IBTK: variants seen among roughly 807,000 people sequenced by gnomAD.
IBTK encodes the protein BTK-binding protein.
A neutral mutation model predicts 154.9 loss-of-function variants in IBTK; 83 were observed. That is an observed-to-expected ratio of 0.54 (90% confidence interval 0.45 to 0.64). The LOEUF is 0.64. Among genes scored for constraint, IBTK ranks in the 30% least tolerant of loss-of-function variants. The probability of loss-of-function intolerance (pLI) is 0.00; values close to 1 mark genes in which losing one functional copy is unlikely to be tolerated. For missense variants in IBTK, 1,332 were observed against 1,584.6 expected (o/e 0.84, Z 2.71); for synonymous variants, 515 against 536.1 (o/e 0.96, Z 0.54).
chr6:82,217,931 T>C (rs1769930892), intron 10 of IBTK, 29 bp downstream of exon 10: 1 of 1,431,020 alleles, frequency 7.0e-7, no homozygotes, highest in Non-Finnish European at 9.4e-7. Flanking sequence ...GAAAGGTACT[T>C]TTACGTATTG....
rs1373974481 is a variant in IBTK at position 82,240,254 on chromosome 6, A to G, written c.233T>C (p.Leu78Pro). ...TCCAGACTCTTTGTCTTTCACCAAC[A>G]GATCCACTCCTTTCTGAATAAGCCA... ...LDWLIQKGVDLLVKDKESGWT... is the reference protein window; with the variant it reads ...LDWLIQKGVDPLVKDKESGWT... The change falls in exon 2 of 29, where the codon CTG becomes CCG. Residue 78 changes from leucine to proline, a missense_variant. Transcript: ENST00000306270. 2 of 1,614,244 alleles carry G rather than the reference A, an allele frequency of 1.2e-6. No homozygotes were observed. The highest frequency in any genetic ancestry group is 1.7e-6 in the Non-Finnish European group (2 of 1,180,038).
intron 28 of IBTK, 31 bp from the exon 29 acceptor site, chr6:82,171,587 A>G: frequency 6.5e-7 from 1 of 1,547,534 alleles, no homozygotes; most frequent in Non-Finnish European, 8.8e-7. Flanking sequence ...AAGACTCTTT[A>G]CTCTTTTAAT....
At chr6:82,191,342 T>A in intron 24 of IBTK, 126 bp from the exon 25 acceptor site, 1 of 727,178 alleles carries the variant, frequency 1.4e-6, no homozygotes, top group South Asian at 1.8e-5. Flanking sequence ...CTGGTAATAA[T>A]AATGTTTTCT....
chr6:82,190,459 G>A (rs147970730), intron 25 of IBTK, among the ~76,000 whole-genome samples: 107 of 152,264 alleles, frequency 7.0e-4, no homozygotes, highest in African/African-American at 2.4e-3. Context: ...AGGATGGAAC[G>A]GAAGCTGGAG....
chr6:82,199,168 A>G (rs1769105273), intron 21 of IBTK, among the ~76,000 whole-genome samples: 1 of 152,132 alleles, frequency 6.6e-6, no homozygotes, highest in African/African-American at 2.4e-5. Flanking sequence ...ATATTCAAGT[A>G]TTCGGGGGAA....
At chr6:82,234,126 G>A (rs763840709) in intron 3 of IBTK, 33 bp downstream of exon 3, 13 of 1,107,196 alleles carry the variant, frequency 1.2e-5, no homozygotes, top group South Asian at 4.0e-5. Context: ...GGTGTGAGCC[G>A]CAGCGCCCAG....
chr6:82,238,072 C>T (rs576945751), intron 2 of IBTK, among the ~76,000 whole-genome samples: 3 of 151,930 alleles, frequency 2.0e-5, no homozygotes, highest in South Asian at 2.1e-4. Context: ...GGGGAAACCC[C>T]GTCTCTACTA....
chr6:82,215,930 C>G, intron 11 of IBTK, 146 bp downstream of exon 11: 1 of 573,046 alleles, frequency 1.7e-6, no homozygotes, highest in South Asian at 2.4e-5. Flanking sequence ...TATCTGTAGA[C>G]ATAATCTGTA....
rs1220428075 is a variant in IBTK at position 82,200,676 on chromosome 6, T to C, written c.2823A>G (p.Pro941=). The C allele has an allele frequency of 1.3e-6, 2 of 1,596,930 alleles. No individual in the cohort carries two copies. The highest frequency in any genetic ancestry group is 1.1e-5 in the South Asian group (1 of 87,508). The change falls in exon 20 of 29, where the codon CCA becomes CCG. Residue 941 remains proline, a synonymous_variant. Coordinates refer to ENST00000306270, the MANE Select transcript of IBTK (RefSeq NM_015525.4). ...IPAMDRRVIT[P]YQDGPDISYL... ...AGCTAATATCTGGTCCATCTTGATA[T>C]GGTGTAATGACTCTTCTATCCATTG...
At chr6:82,199,187 T>C (rs1435125719) in intron 21 of IBTK, among the ~76,000 whole-genome samples, 1 of 152,152 alleles carries the variant, frequency 6.6e-6, no homozygotes, top group African/African-American at 2.4e-5. Context: ...AAAAGTATCA[T>C]GTCTACAACT....
chr6:82,204,747 T>C (rs1428557951), intron 17 of IBTK, 110 bp downstream of exon 17: 1 of 520,698 alleles, frequency 1.9e-6, no homozygotes, highest in Non-Finnish European at 3.2e-6. Context: ...GTTTTCGTGG[T>C]ACCAAAAAAA....
At position 82,172,449 on chromosome 6, in the gene IBTK, A is replaced by G. The variant is rs144587676; in HGVS notation, c.3861T>C (p.Ile1287=). 1,145 of 1,613,942 alleles carry G rather than the reference A, an allele frequency of 7.1e-4. 1 individual carries two copies. The highest frequency in any genetic ancestry group is 9.1e-4 in the Non-Finnish European group (1,073 of 1,179,888). Residue 1287 remains isoleucine (I), a synonymous_variant, in exon 28 of 29, where the codon ATT becomes ATC. Transcript: ENST00000306270. The part of the protein sequence containing the change: ...SMVAPVTFAS[I]VEEELQQEAA... ...CTTCTTGTTGTAGTTCTTCTTCTAC[A>G]ATAGATGCAAAAGTGACTGGGGCTA...
At chr6:82,192,847 C>T (rs1768822442) in intron 23 of IBTK, among the ~76,000 whole-genome samples, 1 of 151,926 alleles carries the variant, frequency 6.6e-6, no homozygotes, top group Admixed American at 6.6e-5. Flanking sequence ...CACCTGAAAT[C>T]CCAGCACTTT....
rs533594107 is a variant in IBTK, at chr6:82,237,577, T to C, written c.321+2589A>G. Among the ~76,000 whole-genome samples the C allele has an allele frequency of 6.9e-3, 1,031 of 148,520 alleles. 9 individuals are homozygous for C. The highest frequency in any genetic ancestry group is 0.023 in the African/African-American group (927 of 40,534). ...GCAGCAGCAGCAGCAGCAGCAGCAG[T>C]AGTAGTAGTAGTAGTGGTGGTGGTA... On this transcript the variant is annotated intron_variant, in intron 2 of 28. Transcript: ENST00000306270.
intron 16 of IBTK, among the ~76,000 whole-genome samples, chr6:82,208,045 G>A (rs1435839606): frequency 3.3e-5 from 5 of 151,086 alleles, no homozygotes; most frequent in Admixed American, 2.0e-4. Flanking sequence ...CTTATATACA[G>A]CATGGCCACT....
chr6:82,194,741 A>G, intron 22 of IBTK, 99 bp from the exon 23 acceptor site: 1 of 804,002 alleles, frequency 1.2e-6, no homozygotes. Flanking sequence ...TATAATGAAG[A>G]ATAAAATCTT....
chr6:82,180,334 C>A (rs1391822401), intron 26 of IBTK, among the ~76,000 whole-genome samples: 3 of 151,864 alleles, frequency 2.0e-5, no homozygotes, highest in Non-Finnish European at 4.4e-5. Flanking sequence ...CAGCCTTTAC[C>A]TCCCAGGCTC....
At chr6:82,240,102 T>C in intron 2 of IBTK, 64 bp downstream of exon 2, 1 of 1,402,012 alleles carries the variant, frequency 7.1e-7, no homozygotes, top group Non-Finnish European at 9.8e-7. Context: ...GTAGGATGTA[T>C]GAAAATGATT....
intron 3 of IBTK, 37 bp downstream of exon 3, chr6:82,234,122 A>G: frequency 9.5e-7 from 1 of 1,047,688 alleles, no homozygotes; most frequent in Admixed American, 1.9e-5. Flanking sequence ...TACAGGTGTG[A>G]GCCGCAGCGC....
Sources: allele counts gnomAD v4.1 joint callset (sites outside exome capture counted in the v4.1 genomes callset), GRCh38; gene constraint gnomAD v4.1.1; transcripts MANE v1.5; gene names NCBI Gene and HGNC (gene_info 2026-07-23, HGNC 2026-07-21).